The following TFEC variants were observed in gnomAD, a reference collection of about 807,000 sequenced individuals.
The protein encoded by TFEC is class E basic helix-loop-helix protein 34.
A neutral mutation model predicts 41.6 loss-of-function variants in TFEC; 31 were observed. The ratio of observed to expected loss-of-function variants is 0.74; its 90% CI spans 0.56 to 1.01. TFEC has a LOEUF of 1.01. Among genes scored for constraint, TFEC ranks in the 50% least tolerant of loss-of-function variants. The pLI is 0.00. For missense variants in TFEC, 402 were observed against 404.1 expected (o/e 0.99, Z 0.04); for synonymous variants, 143 against 140.6 (o/e 1.02, Z -0.12).
At chr7:116,071,025 TAAAGA>T (rs748036284) in intron 3 of TFEC, among the ~76,000 whole-genome samples, 9 of 151,280 alleles carry the variant, frequency 5.9e-5, no homozygotes, top group Non-Finnish European at 1.0e-4. Flanking sequence ...GCAGAATGAT[TAAAGA>T]AAAGAAAGAC....
chr7:116,112,543 T>C (rs1443261474), intron 1 of TFEC, among the ~76,000 whole-genome samples: 1 of 151,968 alleles, frequency 6.6e-6, no homozygotes, highest in Admixed American at 6.6e-5. Flanking sequence ...GCTGTACACA[T>C]GACAATTGGT....
At chr7:116,059,228 A>C (rs1246227960) in intron 3 of TFEC, among the ~76,000 whole-genome samples, 1 of 151,898 alleles carries the variant, frequency 6.6e-6, no homozygotes, top group Non-Finnish European at 1.5e-5. Flanking sequence ...GTATATGACA[A>C]CTTCATGCCA....
intron 3 of TFEC, among the ~76,000 whole-genome samples, chr7:116,046,691 A>G (rs1260089165): frequency 1.3e-5 from 2 of 152,222 alleles, no homozygotes; most frequent in Non-Finnish European, 2.9e-5. Flanking sequence ...CTTGTTTTAT[A>G]CCGTAAGTTC....
intron 3 of TFEC, among the ~76,000 whole-genome samples, chr7:116,072,402 A>G (rs1796851411): frequency 6.6e-6 from 1 of 151,710 alleles, no homozygotes; most frequent in Non-Finnish European, 1.5e-5. Flanking sequence ...ATGTATTTTA[A>G]TATTAAATGC....
At chr7:116,017,677 A>G (rs367595114) in intron 1 of TFEC, among the ~76,000 whole-genome samples, 15 of 152,158 alleles carry the variant, frequency 9.9e-5, no homozygotes, top group African/African-American at 3.4e-4. Context: ...AGTTACTGCA[A>G]TAAGACAAAC....
intron 1 of TFEC, among the ~76,000 whole-genome samples, chr7:115,998,513 C>T (rs1419019473): frequency 1.3e-5 from 2 of 151,158 alleles, no homozygotes; most frequent in East Asian, 3.9e-4. Context: ...CTAAACTCTC[C>T]AATCAAAAAA....
intron 7 of TFEC, 86 bp from the exon 8 acceptor site, chr7:115,941,017 T>C (rs1386071843): frequency 3.1e-5 from 39 of 1,250,268 alleles, no homozygotes; most frequent in Non-Finnish European, 3.5e-5. Context: ...AATCAAAATA[T>C]TAACAAGCAT....
chr7:116,030,303 G>A (rs1376218723), intron 1 of TFEC, among the ~76,000 whole-genome samples: 2 of 151,982 alleles, frequency 1.3e-5, no homozygotes, highest in East Asian at 1.9e-4. Flanking sequence ...ACATATATAA[G>A]AGGCAACAAA....
chr7:116,152,455 C>A (rs1420855241), intron 1 of TFEC, among the ~76,000 whole-genome samples: 1 of 152,180 alleles, frequency 6.6e-6, no homozygotes, highest in Non-Finnish European at 1.5e-5. Context: ...CTCCTGAGAT[C>A]TGCAGAGGGT....
intron 3 of TFEC, among the ~76,000 whole-genome samples, chr7:116,093,418 G>T (rs1395306458): frequency 1.3e-5 from 2 of 152,116 alleles, no homozygotes; most frequent in Non-Finnish European, 2.9e-5. Flanking sequence ...AGAAAGAAAA[G>T]AAAAGCATTT....
intron 1 of TFEC, among the ~76,000 whole-genome samples, chr7:116,150,285 T>C (rs1056666677): frequency 7.9e-5 from 12 of 152,162 alleles, no homozygotes; most frequent in African/African-American, 2.7e-4. Context: ...CTTTGGGTGG[T>C]GGAACTATAA....
chr7:116,081,817 C>T (rs543465340), intron 3 of TFEC, among the ~76,000 whole-genome samples: 1 of 152,170 alleles, frequency 6.6e-6, no homozygotes, highest in South Asian at 2.1e-4. Flanking sequence ...TGTAGCTTTT[C>T]GAACACTGTA....
At chr7:116,090,122 C>T (rs1397203725) in intron 3 of TFEC, among the ~76,000 whole-genome samples, 3 of 152,190 alleles carry the variant, frequency 2.0e-5, no homozygotes, top group South Asian at 2.1e-4. Flanking sequence ...CAAATCCCCA[C>T]GTTTTTCTGC....
At chr7:116,085,600 T>C (rs931967609) in intron 3 of TFEC, among the ~76,000 whole-genome samples, 9 of 151,884 alleles carry the variant, frequency 5.9e-5, no homozygotes, top group Middle Eastern at 3.2e-3. Flanking sequence ...TGAAAATATG[T>C]TTAAAAGTCC....
intron 1 of TFEC, among the ~76,000 whole-genome samples, chr7:115,996,091 A>G (rs921461566): frequency 1.3e-5 from 2 of 152,168 alleles, no homozygotes; most frequent in Admixed American, 1.3e-4. Context: ...ACCTAGTGAG[A>G]TATCAGCTGG....
chr7:116,053,793 C>T (rs1055228813), intron 3 of TFEC, among the ~76,000 whole-genome samples: 2 of 152,160 alleles, frequency 1.3e-5, no homozygotes, highest in African/African-American at 4.8e-5. Flanking sequence ...TTGGACATCT[C>T]AATCTCCAGA....
intron 2 of TFEC, among the ~76,000 whole-genome samples, chr7:115,974,836 CA>C (rs1181317309): frequency 6.6e-6 from 1 of 151,628 alleles, no homozygotes; most frequent in East Asian, 1.9e-4. Flanking sequence ...ATAGCAATAG[CA>C]ATAACAAAAA....
chr7:115,937,983 C>T lies in TFEC; in HGVS notation c.*2568G>A, dbSNP rs368084358. On this transcript the variant is annotated 3_prime_UTR_variant, in exon 8 of 8. Transcript: ENST00000265440. ...TTTAATGTATTTCAGTTGACCGGGA[C>T]ACAGCATAACTCTTTACTCTCTTTA... The T allele has an allele frequency of 1.3e-5, 2 of 151,842 alleles. No individual in the cohort carries two copies. Among genetic ancestry groups the T allele is most frequent in the Non-Finnish European group, 2.9e-5 (2 of 67,842 alleles). 9.4% of individuals were successfully genotyped at this position (151,842 alleles called of 1,614,324 possible). A position where few individuals can be genotyped will look rare whatever the true frequency, so the allele number is the denominator to read the frequency against.
At chr7:115,971,421 T>C (rs1793128540) in intron 3 of TFEC, among the ~76,000 whole-genome samples, 1 of 151,906 alleles carries the variant, frequency 6.6e-6, no homozygotes, top group Non-Finnish European at 1.5e-5. Context: ...TCCAGGGGCA[T>C]ATAAGCAGCA....
Sources: allele counts gnomAD v4.1 joint callset (sites outside exome capture counted in the v4.1 genomes callset), GRCh38; gene constraint gnomAD v4.1.1; transcripts MANE v1.5; gene names NCBI Gene and HGNC (gene_info 2026-07-23, HGNC 2026-07-21).